The following FSTL5 variants were observed in gnomAD, a reference collection of about 807,000 sequenced individuals.
FSTL5 encodes the protein follistatin like 5.
Under a neutral mutation model 89.1 loss-of-function variants are expected in FSTL5, and 62 were observed. The ratio of observed to expected loss-of-function variants is 0.70; its 90% CI spans 0.57 to 0.86. The LOEUF (loss-of-function observed/expected upper bound fraction) is 0.86. FSTL5 is among the 40% of genes least tolerant of loss of function. The pLI is 0.00. For missense variants in FSTL5, 1,057 were observed against 1,001.6 expected (o/e 1.06, Z -0.75); for synonymous variants, 383 against 346.2 (o/e 1.11, Z -1.18).
At chr4:162,019,540 T>C (rs1737009691) in intron 3 of FSTL5, among the ~76,000 whole-genome samples, 1 of 152,022 alleles carries the variant, frequency 6.6e-6, no homozygotes, top group African/African-American at 2.4e-5. Context: ...AAATATCCTA[T>C]ATAATTTATG....
chr4:161,738,241 A>G (rs1035987064), intron 6 of FSTL5, among the ~76,000 whole-genome samples: 1 of 152,114 alleles, frequency 6.6e-6, no homozygotes, highest in African/African-American at 2.4e-5. Flanking sequence ...GAGATGGCTC[A>G]TTAAACAAAG....
At chr4:161,604,153 C>T (rs977607690) in intron 7 of FSTL5, among the ~76,000 whole-genome samples, 1 of 152,032 alleles carries the variant, frequency 6.6e-6, no homozygotes, top group Non-Finnish European at 1.5e-5. Flanking sequence ...TTTTGATAAT[C>T]ATCTTTTCAA....
rs543828589 is a variant in FSTL5, at chr4:161,953,286, C to A, written c.161-32634G>T. ...AGTACTGAATGTTTGCTTAACTTTA[C>A]AATTAGCCCATGTAAAACTTAGTAA... On this transcript the variant is annotated intron_variant, in intron 3 of 15. Coordinates refer to ENST00000306100, the MANE Select transcript of FSTL5 (RefSeq NM_020116.5). Among the ~76,000 whole-genome samples the A allele has an allele frequency of 1.6e-4, 24 of 151,642 alleles. No individual in the cohort carries two copies. The South Asian group carries it at 5.0e-3, about 31-fold the overall frequency.
intron 3 of FSTL5, among the ~76,000 whole-genome samples, chr4:162,020,866 G>A (rs1737057972): frequency 6.6e-6 from 1 of 152,092 alleles, no homozygotes; most frequent in African/African-American, 2.4e-5. Flanking sequence ...ACCTTGTGCT[G>A]ATTGAACCAA....
chr4:161,654,150 G>A (rs769425365), intron 7 of FSTL5, among the ~76,000 whole-genome samples: 11 of 152,086 alleles, frequency 7.2e-5, no homozygotes, highest in Non-Finnish European at 1.5e-4. Context: ...ACAGAGTGAA[G>A]TATTAGGATG....
At chr4:161,745,329 C>T (rs1371025572) in intron 6 of FSTL5, among the ~76,000 whole-genome samples, 1 of 151,906 alleles carries the variant, frequency 6.6e-6, no homozygotes, top group Non-Finnish European at 1.5e-5. Context: ...CTTTTACTGG[C>T]ATTGTTTATT....
chr4:161,664,057 C>G (rs938933398), intron 6 of FSTL5, among the ~76,000 whole-genome samples: 2 of 152,206 alleles, frequency 1.3e-5, no homozygotes, highest in African/African-American at 4.8e-5. Flanking sequence ...GCTCAAAGCA[C>G]AGAGTCCCAG....
At chr4:161,879,299 C>G (rs1276715021) in intron 4 of FSTL5, among the ~76,000 whole-genome samples, 3 of 152,268 alleles carry the variant, frequency 2.0e-5, no homozygotes, top group African/African-American at 4.8e-5. Context: ...CACCTAGTGT[C>G]TACACCAACC....
intron 4 of FSTL5, among the ~76,000 whole-genome samples, chr4:161,909,452 C>T (rs987244872): frequency 6.6e-6 from 1 of 152,136 alleles, no homozygotes; most frequent in African/African-American, 2.4e-5. Flanking sequence ...TCTATTGTCA[C>T]TTTAAATTTG....
At chr4:161,552,151 G>T (rs527485511) in intron 8 of FSTL5, among the ~76,000 whole-genome samples, 8 of 151,870 alleles carry the variant, frequency 5.3e-5, no homozygotes, top group Non-Finnish European at 1.0e-4. Flanking sequence ...TCACTGTAAG[G>T]GGTGGAGTAA....
rs779659505 is a variant in FSTL5 at position 161,870,060 on chromosome 4, T to A, written c.409+50344A>T. ...AGACTGCAAGGTAAATCTGTTGTAA[T>A]AGAGACAACAGAGAAAGTGATAGAA... On this transcript the variant is annotated intron_variant, in intron 4 of 15. Transcript: ENST00000306100. Among the ~76,000 whole-genome samples the A allele has an allele frequency of 3.9e-5, 6 of 152,174 alleles. 1 individual carries two copies. The highest frequency in any genetic ancestry group is 8.8e-5 in the Non-Finnish European group (6 of 68,024).
chr4:161,762,405 A>T (rs138174031), intron 5 of FSTL5, among the ~76,000 whole-genome samples: 62 of 152,278 alleles, frequency 4.1e-4, no homozygotes, highest in Non-Finnish European at 7.1e-4. Flanking sequence ...AGTTCCTTGC[A>T]CTTCTTTCAT....
intron 15 of FSTL5, among the ~76,000 whole-genome samples, chr4:161,436,247 T>A (rs538478094): frequency 1.9e-3 from 290 of 152,310 alleles, no homozygotes; most frequent in Middle Eastern, 6.8e-3. Context: ...CTACTCATGG[T>A]AGCCTTTAAA....
rs566069148 is a variant in FSTL5, at chr4:161,581,751, A to C, written c.1015+5704T>G. 2.0e-5 allele frequency among the ~76,000 whole-genome samples: 3 copies of C among 152,336 alleles called. No individual in the cohort carries two copies. In the East Asian group the frequency reaches 5.8e-4, roughly 29 times the overall value. The stretch of plus-strand genomic sequence containing the variant: ...AACCACTTTATGCAGAAGTTTTCTT[A>C]TTTCAGTAGAAAACACATCCGCACA... On this transcript the variant is annotated intron_variant, in intron 8 of 15. Transcript: ENST00000306100.
chr4:161,842,443 T>C (rs1579133623), intron 4 of FSTL5, among the ~76,000 whole-genome samples: 1 of 152,190 alleles, frequency 6.6e-6, no homozygotes, highest in Non-Finnish European at 1.5e-5. Flanking sequence ...TATCTCTTTA[T>C]ATGTGATAAA....
chr4:161,636,041 A>G (rs952253249), intron 7 of FSTL5, among the ~76,000 whole-genome samples: 3 of 151,940 alleles, frequency 2.0e-5, no homozygotes, highest in Admixed American at 6.6e-5. Context: ...AGTTACGGAG[A>G]AAAGATATGA....
intron 4 of FSTL5, among the ~76,000 whole-genome samples, chr4:161,820,435 C>T (rs1182731120): frequency 6.6e-6 from 1 of 152,140 alleles, no homozygotes; most frequent in African/African-American, 2.4e-5. Flanking sequence ...CATATATACA[C>T]ATATACTAAT....
At chr4:162,159,303 T>A (rs1733602442) in intron 1 of FSTL5, among the ~76,000 whole-genome samples, 1 of 152,050 alleles carries the variant, frequency 6.6e-6, no homozygotes. Flanking sequence ...ACAGAGAAAA[T>A]ACATCAGTAA....
chr4:161,495,634 G>A (rs1256314495), intron 12 of FSTL5, among the ~76,000 whole-genome samples: 1 of 151,982 alleles, frequency 6.6e-6, no homozygotes, highest in African/African-American at 2.4e-5. Context: ...CCAAAATTGA[G>A]TTTTTATTTA....
Sources: allele counts gnomAD v4.1 joint callset (sites outside exome capture counted in the v4.1 genomes callset), GRCh38; gene constraint gnomAD v4.1.1; transcripts MANE v1.5; gene names NCBI Gene and HGNC (gene_info 2026-07-23, HGNC 2026-07-21).